Variants in PCBP3 observed in about 807,000 individuals in gnomAD.
PCBP3 encodes poly(rC) binding protein 3, also known as poly(rC)-binding protein 3.
In PCBP3, 25 loss-of-function variants were observed where a neutral mutation model predicts 52.7. That is an observed-to-expected ratio of 0.47 (90% CI 0.35 to 0.66). The LOEUF is 0.66. Among genes scored for constraint, PCBP3 ranks in the 30% least tolerant of loss-of-function variants. PCBP3 has a pLI of 0.01. For synonymous variants in PCBP3, 162 were observed against 183.0 expected, an observed-to-expected ratio of 0.89 and a Z score of 0.93; for missense variants, 391 against 490.3, an observed-to-expected ratio of 0.80 and a Z score of 1.91.
rs2084857277 is a variant in PCBP3, at chr21:45,724,126, C to T, written c.-199-11266C>T. ...ATTCAGAGTCAAGGCTGTCCCCCTC[C>T]TGAAGTCAGATCCTTCCTGTGGCCT... On this transcript the variant is annotated intron_variant, in intron 2 of 17. Transcript: ENST00000681687. The surrounding 1 kb of genome is among the most constrained non-coding windows in gnomAD (Gnocchi z 5.3). 6.6e-6 allele frequency among the ~76,000 whole-genome samples: 1 copy of T among 152,228 alleles called. No individual in the cohort carries two copies. The highest frequency in any genetic ancestry group is 6.5e-5 in the Admixed American group (1 of 15,280).
chr21:45,714,435 AAC>A (rs139736227), intron 2 of PCBP3, among the ~76,000 whole-genome samples: 6 of 151,190 alleles, frequency 4.0e-5, no homozygotes, highest in Non-Finnish European at 5.9e-5. Context: ...TGTTTCAGGG[AAC>A]ACACACACAC....
Position 45,896,268 on chromosome 21 carries a change from A to C in PCBP3, c.71A>C (p.His24Pro). 6.4e-7 allele frequency: 1 copy of C among 1,551,990 alleles called. No individual in the cohort carries two copies. The highest frequency in any genetic ancestry group is 8.7e-7 in the Non-Finnish European group (1 of 1,147,046). Residue 24 changes from histidine (H) to proline (P), a missense_variant, in exon 6 of 18, where the codon CAC (histidine) becomes CCC (proline). Physicochemically the swap from His to Pro is moderately conservative, Grantham distance 77. Transcript: ENST00000681687. ...PHSTLSTLSH[H>P]PQPQFGRRME... ...AGCACCCTCAGCACCTTAAGCCACC[A>C]CCCTCAGCCACAATTTGGCAGAAGG...
intron 4 of PCBP3, among the ~76,000 whole-genome samples, chr21:45,835,911 C>CG (rs1470738420): frequency 3.3e-5 from 5 of 151,312 alleles, no homozygotes; most frequent in African/African-American, 7.4e-5. Context: ...CCAGGCCTGG[C>CG]GGGGTCTGGA....
At chr21:45,856,650 G>A (rs750102330) in intron 5 of PCBP3, among the ~76,000 whole-genome samples, 47 of 151,220 alleles carry the variant, frequency 3.1e-4, no homozygotes, top group Non-Finnish European at 4.9e-4. Context: ...CGCCATGATC[G>A]CAAGTTTCCT....
rs373450849 is a variant in PCBP3 at position 45,826,369 on chromosome 21, C to CT, written c.-125-23592_-125-23591insT. Among the ~76,000 whole-genome samples, 353 of 152,290 alleles carry CT rather than the reference C, an allele frequency of 2.3e-3. 6 individuals are homozygous for CT. The highest frequency in any genetic ancestry group is 7.9e-3 in the African/African-American group (329 of 41,558). Reference sequence around the variant, plus strand: ...CAACTTTCCTGTTAAAAGACAGGCACAAGAGCTGCTCTGATCCACATAACG... The same window carrying CT: ...CAACTTTCCTGTTAAAAGACAGGCACTAAGAGCTGCTCTGATCCACATAACG... On this transcript the variant is annotated intron_variant, in intron 4 of 17. Transcript: ENST00000681687.
intron 15 of PCBP3, 69 bp downstream of exon 15, chr21:45,930,914 G>A: frequency 1.3e-6 from 2 of 1,595,916 alleles, no homozygotes; most frequent in African/African-American, 1.3e-5. Flanking sequence ...GGGAGGAGGT[G>A]TGGGGGCCCT....
At chr21:45,716,643 C>A (rs2084246146) in intron 2 of PCBP3, among the ~76,000 whole-genome samples, 1 of 152,054 alleles carries the variant, frequency 6.6e-6, no homozygotes, top group Non-Finnish European at 1.5e-5. Context: ...TTATTAATAC[C>A]TCTTTAAAAT....
chr21:45,815,778 ATGAGTGG>A (rs1457614313), intron 4 of PCBP3, among the ~76,000 whole-genome samples: 9 of 35,204 alleles, frequency 2.6e-4, no homozygotes, highest in South Asian at 3.3e-3. Flanking sequence ...GTGGTGAGTG[ATGAGTGG>A]TGAGTGGTGA....
chr21:45,765,684 G>C (rs921322350), intron 4 of PCBP3, among the ~76,000 whole-genome samples: 2 of 152,152 alleles, frequency 1.3e-5, no homozygotes, highest in African/African-American at 4.8e-5. Context: ...CTGCCTCCTG[G>C]ATGGTCCCTA....
intron 3 of PCBP3, among the ~76,000 whole-genome samples, chr21:45,748,347 C>T (rs564859909): frequency 1.3e-5 from 2 of 152,152 alleles, no homozygotes; most frequent in South Asian, 4.1e-4. Flanking sequence ...CATGCCTTTG[C>T]GCCATAGGCC....
chr21:45,785,493 C>T (rs1188048237), intron 4 of PCBP3, among the ~76,000 whole-genome samples: 5 of 106,262 alleles, frequency 4.7e-5, no homozygotes, highest in South Asian at 2.7e-4. Flanking sequence ...CCTGGCCAGC[C>T]GCCCCGTCCG....
At chr21:45,690,636 T>A (rs2082405121) in intron 2 of PCBP3, among the ~76,000 whole-genome samples, 1 of 151,812 alleles carries the variant, frequency 6.6e-6, no homozygotes, top group African/African-American at 2.4e-5. Context: ...AAACAACAAC[T>A]CAATAAAAAA....
At chr21:45,832,568 A>G (rs2093478400) in intron 4 of PCBP3, 1 of 152,132 alleles carries the variant, frequency 6.6e-6, no homozygotes, top group South Asian at 2.1e-4. Context: ...CACCTACATC[A>G]TGTTGACAAT....
intron 5 of PCBP3, among the ~76,000 whole-genome samples, chr21:45,865,525 G>A (rs984694391): frequency 4.6e-5 from 7 of 152,284 alleles, no homozygotes; most frequent in Non-Finnish European, 7.4e-5. Flanking sequence ...AAGAACCTCC[G>A]TGCCTCCCGC....
intron 2 of PCBP3, among the ~76,000 whole-genome samples, chr21:45,712,767 A>C (rs557348587): frequency 2.6e-5 from 4 of 151,696 alleles, no homozygotes; most frequent in Non-Finnish European, 5.9e-5. Flanking sequence ...CAGTGGTGCA[A>C]TCATGGCTCA....
intron 2 of PCBP3, among the ~76,000 whole-genome samples, chr21:45,705,160 C>T (rs2083373470): frequency 6.6e-6 from 1 of 152,212 alleles, no homozygotes; most frequent in African/African-American, 2.4e-5. Context: ...GAGTGAGGCT[C>T]ATTTGCTTAT....
In PCBP3 at chr21:45,822,632, G is replaced by A. The variant is rs530377034; in HGVS notation, c.-125-27329G>A. Among the ~76,000 whole-genome samples the A allele has an allele frequency of 5.8e-4, 88 of 151,388 alleles. 1 individual carries two copies. The South Asian group carries it at 0.013, about 23-fold the overall frequency. On this transcript the variant is annotated intron_variant, in intron 4 of 17. Transcript: ENST00000681687. ...GGATAGGGCCAGGAGAGCAAGGGGC[G>A]GACCCGGCATGGGACAGGGTTAGGA...
chr21:45,680,378 T>A (rs1221651363), intron 2 of PCBP3, among the ~76,000 whole-genome samples: 1 of 152,222 alleles, frequency 6.6e-6, no homozygotes, highest in East Asian at 1.9e-4. Flanking sequence ...TATTTAGATA[T>A]ATTTGTTTTA....
intron 5 of PCBP3, 78 bp downstream of exon 5, chr21:45,850,173 A>G (rs1224751458): frequency 4.1e-6 from 5 of 1,205,692 alleles, no homozygotes; most frequent in African/African-American, 1.5e-5. Context: ...ACCCTTGACA[A>G]ATGAAATCTG....
Sources: gnomAD v4.1 joint callset for allele counts (sites outside exome capture counted in the v4.1 genomes callset) on GRCh38, gnomAD v4.1.1 for gene constraint, Gnocchi (gnomAD v3.1) non-coding constraint, MANE v1.5 for transcripts, NCBI Gene and HGNC (gene_info 2026-07-23, HGNC 2026-07-21) for gene names.